The following ROBO1 variants were observed in gnomAD, a reference collection of about 807,000 sequenced individuals.
The protein encoded by ROBO1 is roundabout guidance receptor 1.
A neutral mutation model predicts 195.9 loss-of-function variants in ROBO1; 149 were observed. The observed-to-expected ratio is 0.76, with a 90% CI of 0.67 to 0.87. The LOEUF (loss-of-function observed/expected upper bound fraction) is 0.87, where lower values mean the gene tolerates loss of function less well. Ranked by LOEUF, ROBO1 falls within the 40% of genes least tolerant of loss-of-function variation. The probability of loss-of-function intolerance (pLI) is 0.00; values close to 1 mark genes in which losing one functional copy is unlikely to be tolerated. For synonymous variants in ROBO1, 816 were observed against 733.2 expected (o/e 1.11, Z -1.82); for missense variants, 1,933 against 2,068.3 (o/e 0.93, Z 1.27).
chr3:79,649,303 G>C (rs1399786881), intron 1 of ROBO1, among the ~76,000 whole-genome samples: 2 of 151,880 alleles, frequency 1.3e-5, no homozygotes, highest in Non-Finnish European at 2.9e-5. Flanking sequence ...AATTGTCATA[G>C]CAATAATAAC....
At position 79,584,662 on chromosome 3, in the gene ROBO1, T is replaced by G. The variant is rs1041820081; in HGVS notation, c.88+5162A>C. On this transcript the variant is annotated intron_variant, in intron 2 of 30. Transcript: ENST00000464233. Reference sequence around the variant, plus strand: ...GTATGTTCATACACACACACACACATACACGTACACACATACACACACTCA... The same window carrying G: ...GTATGTTCATACACACACACACACAGACACGTACACACATACACACACTCA... Among the ~76,000 whole-genome samples the G allele has an allele frequency of 1.4e-5, 2 of 142,382 alleles. 1 individual carries two copies. Among genetic ancestry groups the G allele is most frequent in the South Asian group, 4.6e-4 (2 of 4,362 alleles). 93.4% of individuals were successfully genotyped at this position (142,382 alleles called of 152,430 possible). A position where few individuals can be genotyped will look rare whatever the true frequency, so the allele number is the denominator to read the frequency against.
At chr3:78,643,283 T>C (rs188006964) in intron 21 of ROBO1, among the ~76,000 whole-genome samples, 207 of 152,338 alleles carry the variant, frequency 1.4e-3, no homozygotes, top group African/African-American at 4.6e-3. Context: ...CCTAGCTGTA[T>C]TCTTATAAAA....
chr3:79,292,574 T>G (rs1174289794), intron 2 of ROBO1, among the ~76,000 whole-genome samples: 1 of 152,134 alleles, frequency 6.6e-6, no homozygotes, highest in African/African-American at 2.4e-5. Flanking sequence ...TTATTGAGGG[T>G]TTTTAGCATG....
At chr3:79,715,463 G>T (rs932708348) in intron 1 of ROBO1, among the ~76,000 whole-genome samples, 9 of 152,074 alleles carry the variant, frequency 5.9e-5, no homozygotes, top group Non-Finnish European at 1.2e-4. Context: ...ACAATGAAGG[G>T]TCAGCATTTT....
chr3:79,117,900 A>G (rs992594688), intron 3 of ROBO1, among the ~76,000 whole-genome samples: 1 of 152,218 alleles, frequency 6.6e-6, no homozygotes, highest in Non-Finnish European at 1.5e-5. Flanking sequence ...GAGATTAGGA[A>G]GGGTTAGCCA....
chr3:79,347,566 G>C (rs559534100), intron 2 of ROBO1, among the ~76,000 whole-genome samples: 1 of 152,138 alleles, frequency 6.6e-6, no homozygotes, highest in East Asian at 1.9e-4. Context: ...TCAGGATTGC[G>C]ATAAAGTGTG....
At chr3:79,514,946 C>T (rs925082487) in intron 2 of ROBO1, among the ~76,000 whole-genome samples, 6 of 152,180 alleles carry the variant, frequency 3.9e-5, no homozygotes, top group Non-Finnish European at 5.9e-5. Flanking sequence ...ACATATTTTA[C>T]TGCATTTTCC....
At chr3:79,536,395 G>A (rs1475058444) in intron 2 of ROBO1, among the ~76,000 whole-genome samples, 6 of 151,354 alleles carry the variant, frequency 4.0e-5, no homozygotes, top group Admixed American at 2.0e-4. Context: ...AATGTTTCTG[G>A]AAGAGCAAAT....
chr3:79,611,269 C>A (rs1944648038), intron 1 of ROBO1, among the ~76,000 whole-genome samples: 1 of 151,686 alleles, frequency 6.6e-6, no homozygotes, highest in Admixed American at 6.6e-5. Context: ...TGAATATGTA[C>A]AAATAGCATA....
intron 1 of ROBO1, among the ~76,000 whole-genome samples, chr3:79,637,031 CAAATTA>C (rs1458893775): frequency 3.9e-5 from 6 of 152,132 alleles, no homozygotes; most frequent in Non-Finnish European, 8.8e-5. Flanking sequence ...TGTGGCTATT[CAAATTA>C]AAATTAAGTA....
intron 1 of ROBO1, among the ~76,000 whole-genome samples, chr3:79,622,238 G>A (rs1945029772): frequency 6.6e-6 from 1 of 152,194 alleles, no homozygotes; most frequent in Non-Finnish European, 1.5e-5. Context: ...CACTCCACCA[G>A]AGCCTAGTGT....
chr3:79,273,241 A>T (rs1191331994), intron 2 of ROBO1, among the ~76,000 whole-genome samples: 2 of 152,130 alleles, frequency 1.3e-5, no homozygotes, highest in African/African-American at 4.8e-5. Flanking sequence ...GGTGTGTAAA[A>T]TACTGATATC....
chr3:79,295,078 C>T (rs1287608682), intron 2 of ROBO1, among the ~76,000 whole-genome samples: 3 of 152,084 alleles, frequency 2.0e-5, no homozygotes, highest in East Asian at 3.9e-4. Context: ...TACCATTTGA[C>T]CCATCAATCC....
At chr3:79,050,637 A>G (rs1244839817) in intron 3 of ROBO1, among the ~76,000 whole-genome samples, 4 of 152,214 alleles carry the variant, frequency 2.6e-5, no homozygotes, top group Non-Finnish European at 5.9e-5. Flanking sequence ...CACTTATTCT[A>G]AAATTGACCA....
intron 1 of ROBO1, among the ~76,000 whole-genome samples, chr3:79,602,194 C>A (rs1400417427): frequency 6.6e-6 from 1 of 151,872 alleles, no homozygotes; most frequent in Non-Finnish European, 1.5e-5. Flanking sequence ...AAGGAACAAG[C>A]ATTAAATTTC....
chr3:79,259,719 A>G (rs755217708), intron 2 of ROBO1, among the ~76,000 whole-genome samples: 1 of 152,292 alleles, frequency 6.6e-6, no homozygotes, highest in East Asian at 1.9e-4. Flanking sequence ...AAACAACTCT[A>G]TAAGAAAAAA....
chr3:78,919,391 T>C (rs889348680), intron 4 of ROBO1, among the ~76,000 whole-genome samples: 15 of 152,110 alleles, frequency 9.9e-5, no homozygotes, highest in Non-Finnish European at 1.5e-4. Context: ...ACAAGCAAGG[T>C]TGAGAATCAA....
intron 2 of ROBO1, among the ~76,000 whole-genome samples, chr3:79,139,714 G>C (rs1346889945): frequency 6.6e-6 from 1 of 152,016 alleles, no homozygotes; most frequent in Non-Finnish European, 1.5e-5. Context: ...GTTAATTTCC[G>C]GTCCATTTTA....
intron 2 of ROBO1, among the ~76,000 whole-genome samples, chr3:79,530,354 G>C (rs1191624107): frequency 6.6e-6 from 1 of 151,964 alleles, no homozygotes; most frequent in African/African-American, 2.4e-5. Flanking sequence ...TCTCTACTGA[G>C]TTCGAGAGAG....
Sources: allele counts gnomAD v4.1 joint callset (sites outside exome capture counted in the v4.1 genomes callset), GRCh38; gene constraint gnomAD v4.1.1; transcripts MANE v1.5; gene names NCBI Gene and HGNC (gene_info 2026-07-23, HGNC 2026-07-21).